KCNQ5: variants seen among roughly 807,000 people sequenced by gnomAD.
The protein encoded by KCNQ5 is potassium voltage-gated channel subfamily KQT member 5.
In KCNQ5, 30 loss-of-function variants were observed where a neutral mutation model predicts 98.2. The ratio of observed to expected loss-of-function variants is 0.31; its 90% confidence interval spans 0.23 to 0.41. The LOEUF is 0.41. KCNQ5 is among the 10% of genes least tolerant of loss of function. The probability of loss-of-function intolerance (pLI) is 1.00; values close to 1 mark genes in which losing one functional copy is unlikely to be tolerated. For missense variants in KCNQ5, 835 were observed against 1,182.5 expected (o/e 0.71, Z 4.31); for synonymous variants, 458 against 449.4 (o/e 1.02, Z -0.24).
At chr6:72,633,445 A>G (rs1278737177) in intron 1 of KCNQ5, among the ~76,000 whole-genome samples, 1 of 152,250 alleles carries the variant, frequency 6.6e-6, no homozygotes, top group Admixed American at 6.5e-5. Flanking sequence ...GGAAGAATCA[A>G]TATTGTTAAC....
intron 10 of KCNQ5, among the ~76,000 whole-genome samples, chr6:73,150,944 G>T: frequency 6.6e-6 from 1 of 152,032 alleles, no homozygotes; most frequent in South Asian, 2.1e-4. Context: ...GGGAGGAGGT[G>T]TGGCTCTAAA....
intron 1 of KCNQ5, among the ~76,000 whole-genome samples, chr6:72,674,093 A>C (rs1469395932): frequency 6.6e-6 from 1 of 152,198 alleles, no homozygotes; most frequent in Non-Finnish European, 1.5e-5. Context: ...AAAGACTTAA[A>C]AATTGAGACT....
intron 1 of KCNQ5, among the ~76,000 whole-genome samples, chr6:72,941,761 A>G (rs1766326561): frequency 8.6e-6 from 1 of 116,026 alleles, no homozygotes; most frequent in Non-Finnish European, 1.9e-5. Context: ...TTCTCCCTCA[A>G]CTACTGATTG....
At chr6:73,110,473 A>G (rs779178876) in intron 6 of KCNQ5, among the ~76,000 whole-genome samples, 7 of 152,176 alleles carry the variant, frequency 4.6e-5, no homozygotes, top group Non-Finnish European at 8.8e-5. Context: ...AGCAGAAGAA[A>G]AGCAAACTGG....
intron 2 of KCNQ5, among the ~76,000 whole-genome samples, chr6:73,018,473 A>ATTTC (rs1770451058): frequency 1.3e-5 from 2 of 151,506 alleles, no homozygotes; most frequent in South Asian, 4.2e-4. Context: ...GAGGACAAAC[A>ATTTC]TTTCCTTAAG....
intron 1 of KCNQ5, chr6:72,987,689 C>T: frequency 1.7e-6 from 1 of 592,238 alleles, no homozygotes; most frequent in South Asian, 1.7e-5. Flanking sequence ...TTCTCCACCG[C>T]CCCCAACAAG....
intron 1 of KCNQ5, among the ~76,000 whole-genome samples, chr6:72,838,594 T>A (rs1234958236): frequency 6.6e-6 from 1 of 152,186 alleles, no homozygotes; most frequent in Non-Finnish European, 1.5e-5. Context: ...CACACCATTT[T>A]AAATAGTTGG....
At chr6:72,716,606 TTC>T (rs1389974056) in intron 1 of KCNQ5, among the ~76,000 whole-genome samples, 1 of 152,212 alleles carries the variant, frequency 6.6e-6, no homozygotes, top group Non-Finnish European at 1.5e-5. Flanking sequence ...ATTGAATTTT[TTC>T]TTTTTACACA....
At chr6:72,843,889 C>A (rs1279840514) in intron 1 of KCNQ5, among the ~76,000 whole-genome samples, 1 of 152,136 alleles carries the variant, frequency 6.6e-6, no homozygotes, top group Non-Finnish European at 1.5e-5. Flanking sequence ...CTTTCAGGGA[C>A]ATGGATGAAG....
intron 1 of KCNQ5, among the ~76,000 whole-genome samples, chr6:72,830,139 G>A (rs369874852): frequency 6.7e-4 from 102 of 152,162 alleles, no homozygotes; most frequent in African/African-American, 2.2e-3. Flanking sequence ...AATCAATATC[G>A]TGAAAATGGC....
intron 5 of KCNQ5, among the ~76,000 whole-genome samples, chr6:73,104,376 G>A (rs1774919092): frequency 6.6e-6 from 1 of 151,936 alleles, no homozygotes; most frequent in South Asian, 2.1e-4. Flanking sequence ...AAAATACTTA[G>A]GAATAAATTT....
intron 1 of KCNQ5, among the ~76,000 whole-genome samples, chr6:72,962,200 T>TATACAC (rs1449731738): frequency 1.9e-4 from 19 of 99,958 alleles, no homozygotes; most frequent in Non-Finnish European, 3.3e-4. Flanking sequence ...TATATATATA[T>TATACAC]ACATATATAT....
At chr6:72,799,644 C>T (rs556104292) in intron 1 of KCNQ5, among the ~76,000 whole-genome samples, 4 of 152,280 alleles carry the variant, frequency 2.6e-5, no homozygotes, top group South Asian at 2.1e-4. Flanking sequence ...AGATCAAACA[C>T]GGAGGTTCCA....
chr6:72,708,262 TA>T (rs1769190091), intron 1 of KCNQ5, among the ~76,000 whole-genome samples: 1 of 152,226 alleles, frequency 6.6e-6, no homozygotes, highest in African/African-American at 2.4e-5. Context: ...TTTTTTCAAA[TA>T]ATTTTTCACA....
intron 1 of KCNQ5, among the ~76,000 whole-genome samples, chr6:72,772,167 T>C (rs1772930569): frequency 6.6e-6 from 1 of 152,158 alleles, no homozygotes; most frequent in Admixed American, 6.6e-5. Flanking sequence ...GACTTACATT[T>C]TCTCTAGTGC....
intron 1 of KCNQ5, among the ~76,000 whole-genome samples, chr6:72,920,967 A>G (rs1443867346): frequency 6.6e-6 from 1 of 152,230 alleles, no homozygotes; most frequent in African/African-American, 2.4e-5. Flanking sequence ...TTCAACAGAC[A>G]TTTATTGGAC....
intron 1 of KCNQ5, among the ~76,000 whole-genome samples, chr6:72,984,498 G>C (rs898090780): frequency 1.3e-5 from 2 of 152,216 alleles, no homozygotes; most frequent in Non-Finnish European, 2.9e-5. Context: ...AGGCTCCATA[G>C]GCGTGAGACC....
intron 9 of KCNQ5, among the ~76,000 whole-genome samples, chr6:73,128,654 T>G (rs1157963034): frequency 6.6e-6 from 1 of 152,262 alleles, no homozygotes; most frequent in Non-Finnish European, 1.5e-5. Context: ...TGCCTCTAGT[T>G]ACTCTGTCTT....
chr6:72,697,066 A>G (rs182415152), intron 1 of KCNQ5, among the ~76,000 whole-genome samples: 17 of 152,304 alleles, frequency 1.1e-4, no homozygotes, highest in Non-Finnish European at 2.5e-4. Context: ...TTGAGGTAAA[A>G]TTCTTTTAAC....
Sources: gnomAD v4.1 joint callset for allele counts (sites outside exome capture counted in the v4.1 genomes callset) on GRCh38, gnomAD v4.1.1 for gene constraint, MANE v1.5 for transcripts, NCBI Gene and HGNC (gene_info 2026-07-23, HGNC 2026-07-21) for gene names.